TMEM207: variants seen among roughly 807,000 people sequenced by gnomAD.
TMEM207 encodes the protein SRSR846.
TMEM207 carries 15 observed loss-of-function variants against 17.4 expected under a neutral mutation model. That is an observed-to-expected ratio of 0.86 (90% CI 0.58 to 1.33). TMEM207 has a LOEUF of 1.33. TMEM207 is among the 40% of genes most tolerant of loss of function. The pLI is 0.00. For synonymous variants in TMEM207, 70 were observed against 65.6 expected, an observed-to-expected ratio of 1.07 and a Z score of -0.33; for missense variants, 205 against 173.8, an observed-to-expected ratio of 1.18 and a Z score of -1.01.
chr3:190,440,286 T>G lies in TMEM207; in HGVS notation c.262A>C (p.Thr88Pro). The G allele has an allele frequency of 6.2e-7, 1 of 1,614,030 alleles. No individual in the cohort carries two copies. Among genetic ancestry groups the G allele is most frequent in the Non-Finnish European group, 8.5e-7 (1 of 1,179,972 alleles). ...TCTCCAACAGCAAAAACTGCCATGG[T>G]GCGCCTGTGAGAATCAATTCGGGGT... Reference protein sequence around the residue: ...RRPRIDSHRRTMAVFAVGDLD... With the variant: ...RRPRIDSHRRPMAVFAVGDLD... The change falls in exon 4 of 5, where the codon ACC becomes CCC. Residue 88 changes from threonine (T) to proline (P), a missense_variant. Thr to Pro is a conservative substitution (Grantham distance 38, BLOSUM62 -1). Coordinates refer to ENST00000354905, the MANE Select transcript of TMEM207 (RefSeq NM_207316.3).
At chr3:190,443,138 A>C (rs1400369801) in intron 2 of TMEM207, among the ~76,000 whole-genome samples, 1 of 142,480 alleles carries the variant, frequency 7.0e-6, no homozygotes. Flanking sequence ...TGACACAATT[A>C]AAAAAGCTTT....
intron 2 of TMEM207, among the ~76,000 whole-genome samples, chr3:190,442,519 A>G (rs1418876096): frequency 6.6e-6 from 1 of 152,200 alleles, no homozygotes; most frequent in Non-Finnish European, 1.5e-5. Context: ...TTCTATCACA[A>G]ACATTTAAGA....
chr3:190,443,179 T>C (rs1217019365), intron 2 of TMEM207, among the ~76,000 whole-genome samples: 1 of 152,062 alleles, frequency 6.6e-6, no homozygotes, highest in African/African-American at 2.4e-5. Flanking sequence ...TGTTTTGTTT[T>C]TCTTTTTTGA....
chr3:190,449,672 T>G lies in TMEM207; in HGVS notation c.75+63A>C, dbSNP rs1720118773. 6.1e-6 allele frequency: 9 copies of G among 1,479,770 alleles called. No homozygotes were observed. In the South Asian group the frequency reaches 1.0e-4, roughly 17 times the overall value. 91.7% of individuals were successfully genotyped at this position (1,479,770 alleles called of 1,614,324 possible). The stretch of plus-strand genomic sequence containing the variant: ...TGCTCACATATAAATCTATAGCAAA[T>G]CAAGTCCTCAGAGTACCTCAGAGTA... On this transcript the variant is annotated intron_variant, in intron 1 of 4. Transcript: ENST00000354905.
At chr3:190,442,281 A>G (rs1324189846) in intron 2 of TMEM207, among the ~76,000 whole-genome samples, 2 of 152,194 alleles carry the variant, frequency 1.3e-5, no homozygotes, top group African/African-American at 4.8e-5. Flanking sequence ...ACTGAGCTTG[A>G]ACAGTGGAAA....
In TMEM207 at chr3:190,429,432, C is replaced by T. The variant is rs1280801548; in HGVS notation, c.*163G>A. The T allele has an allele frequency of 1.0e-6, 1 of 977,676 alleles. No homozygotes were observed. Among genetic ancestry groups the T allele is most frequent in the Non-Finnish European group, 1.5e-6 (1 of 686,690 alleles). The allele number at this position is 977,676 out of a possible 1,614,324, so 60.6% of individuals were successfully genotyped here. A position where few individuals can be genotyped will look rare whatever the true frequency, so the allele number is the denominator to read the frequency against. On this transcript the variant is annotated 3_prime_UTR_variant, in exon 5 of 5. Coordinates refer to ENST00000354905, the MANE Select transcript of TMEM207 (RefSeq NM_207316.3). ...CTTTACTATTTAAACATCTCCATGA[C>T]CAAAATTTTTTCCAACATCCATTCT... is the stretch of plus-strand genomic sequence containing the variant.
At chr3:190,449,646 T>C (rs567922635) in intron 1 of TMEM207, 89 bp downstream of exon 1, 94 of 1,158,338 alleles carry the variant, frequency 8.1e-5, no homozygotes, top group Non-Finnish European at 1.1e-4. Flanking sequence ...AGCAGTTAAG[T>C]TGCTCACATA....
chr3:190,442,214 T>C (rs1181376891), intron 2 of TMEM207, among the ~76,000 whole-genome samples: 3 of 152,216 alleles, frequency 2.0e-5, no homozygotes, highest in Non-Finnish European at 2.9e-5. Context: ...TAAATGTATG[T>C]GGGCTGATGG....
At chr3:190,443,509 C>T (rs1342260058) in intron 2 of TMEM207, among the ~76,000 whole-genome samples, 8 of 152,062 alleles carry the variant, frequency 5.3e-5, no homozygotes, top group African/African-American at 7.2e-5. Context: ...AGCTCCAAAT[C>T]GCAGGCATCT....
chr3:190,430,231 T>C (rs1719663394), intron 4 of TMEM207, among the ~76,000 whole-genome samples: 1 of 152,068 alleles, frequency 6.6e-6, no homozygotes, highest in Admixed American at 6.6e-5. Flanking sequence ...GCATTTAAAG[T>C]ATACACACAC....
Position 190,433,030 on chromosome 3 carries a change from T to C in TMEM207, c.305-3299A>G, listed in dbSNP as rs184605690. On this transcript the variant is annotated intron_variant, in intron 4 of 4. Transcript: ENST00000354905. ...ACCCAGCTCCAATCCACACACTTCATGGCATAAAGGCAAAGGGACCCTTAT... is the reference window on the plus strand; with the variant it reads ...ACCCAGCTCCAATCCACACACTTCACGGCATAAAGGCAAAGGGACCCTTAT... Among the ~76,000 whole-genome samples the C allele has an allele frequency of 3.3e-5, 5 of 152,336 alleles. No individual in the cohort carries two copies. In the East Asian group the frequency reaches 7.7e-4, roughly 24 times the overall value.
At chr3:190,444,298 A>G (rs948161619) in intron 2 of TMEM207, 14 of 363,454 alleles carry the variant, frequency 3.9e-5, no homozygotes, top group African/African-American at 3.1e-4. Flanking sequence ...GCCATTAAGT[A>G]ACTTGCGCAA....
chr3:190,435,429 T>C (rs970073352), intron 4 of TMEM207, among the ~76,000 whole-genome samples: 2 of 152,228 alleles, frequency 1.3e-5, no homozygotes, highest in African/African-American at 4.8e-5. Context: ...TTAAAGGCCC[T>C]ATCTTCAAAT....
At chr3:190,437,021 C>A (rs1246874661) in intron 4 of TMEM207, among the ~76,000 whole-genome samples, 2 of 151,956 alleles carry the variant, frequency 1.3e-5, no homozygotes, top group East Asian at 1.9e-4. Flanking sequence ...GGCACACACA[C>A]AAAAAAAGAT....
chr3:190,446,194 T>A (rs1186522842), intron 2 of TMEM207, among the ~76,000 whole-genome samples: 1 of 152,198 alleles, frequency 6.6e-6, no homozygotes, highest in Non-Finnish European at 1.5e-5. Flanking sequence ...ATGAATATGG[T>A]CTCTTGGCTG....
chr3:190,434,255 A>G (rs1159296351), intron 4 of TMEM207, among the ~76,000 whole-genome samples: 1 of 152,180 alleles, frequency 6.6e-6, no homozygotes, highest in East Asian at 1.9e-4. Context: ...CCCAAATCTC[A>G]TCTTGACCTG....
At position 190,438,911 on chromosome 3, in the gene TMEM207, C is replaced by A. The variant is rs184324444; in HGVS notation, c.304+1333G>T. Among the ~76,000 whole-genome samples, 305 of 152,140 alleles carry A rather than the reference C, an allele frequency of 2.0e-3. 1 individual carries two copies. The highest frequency in any genetic ancestry group is 3.4e-3 in the Non-Finnish European group (232 of 67,980). ...CCTTCCTAAAAGAACCATTTCCCGC[C>A]GGGCGCGGTGGCTCACGCCTGTAAT... is the stretch of plus-strand genomic sequence containing the variant. On this transcript the variant is annotated intron_variant, in intron 4 of 4. Transcript: ENST00000354905.
At chr3:190,436,087 A>G (rs920325090) in intron 4 of TMEM207, among the ~76,000 whole-genome samples, 7 of 152,224 alleles carry the variant, frequency 4.6e-5, no homozygotes, top group African/African-American at 1.4e-4. Context: ...GGCAGCTTCC[A>G]GGAGATCCTG....
chr3:190,434,325 G>A (rs1041953638), intron 4 of TMEM207, among the ~76,000 whole-genome samples: 1 of 152,096 alleles, frequency 6.6e-6, no homozygotes, highest in African/African-American at 2.4e-5. Context: ...TGAGTGGTGG[G>A]GTGGTTTCCT....
Sources: gnomAD v4.1 joint callset for allele counts (sites outside exome capture counted in the v4.1 genomes callset) on GRCh38, gnomAD v4.1.1 for gene constraint, MANE v1.5 for transcripts, NCBI Gene and HGNC (gene_info 2026-07-23, HGNC 2026-07-21) for gene names.